Variants in JUP observed in about 807,000 individuals in gnomAD.
JUP encodes catenin (cadherin-associated protein), gamma 80kDa.
Under a neutral mutation model 71.1 loss-of-function variants are expected in JUP, and 28 were observed. That is an observed-to-expected ratio of 0.39 (90% CI 0.29 to 0.54). The LOEUF (loss-of-function observed/expected upper bound fraction) is 0.54, where lower values mean the gene tolerates loss of function less well. Among genes scored for constraint, JUP ranks in the 20% least tolerant of loss-of-function variants. The pLI is 0.62. For missense variants in JUP, 869 were observed against 1,030.1 expected (o/e 0.84, Z 2.14); for synonymous variants, 401 against 438.9 (o/e 0.91, Z 1.08).
chr17:41,756,628 G>C (rs11079012), intron 12 of JUP, among the ~76,000 whole-genome samples: 81,882 of 150,804 alleles, frequency 0.54, 23,360 homozygotes, highest in Middle Eastern at 0.71. Flanking sequence ...GCTGGGCGCA[G>C]TGGCTCACGC....
intron 1 of JUP, among the ~76,000 whole-genome samples, chr17:41,778,962 C>A (rs909564590): frequency 2.0e-5 from 3 of 150,932 alleles, no homozygotes; most frequent in Non-Finnish European, 4.4e-5. Flanking sequence ...CTTGGCTGGG[C>A]GTGGTGGCTC....
At chr17:41,775,930 T>G in intron 1 of JUP, 1 of 982,058 alleles carries the variant, frequency 1.0e-6, no homozygotes, top group Non-Finnish European at 1.2e-6. Context: ...AAGACTGACC[T>G]GGCAGAGTGT....
intron 1 of JUP, 57 bp from the exon 2 acceptor site, chr17:41,771,919 C>A: frequency 7.0e-7 from 1 of 1,427,932 alleles, no homozygotes; most frequent in Non-Finnish European, 9.6e-7. Flanking sequence ...CAGCCCCCAG[C>A]TTCAGCCCGT....
chr17:41,754,742 G>C lies in JUP; in HGVS notation c.*1002C>G, dbSNP rs1025317179. On this transcript the variant is annotated 3_prime_UTR_variant, in exon 14 of 14. Transcript: ENST00000393931. ...CCACACCATGTGCGGGAAATGGGGG[G>C]GTCTGAAACAGGAAGGGGAAGAGAA... 1.3e-5 allele frequency: 2 copies of C among 152,840 alleles called. No homozygotes were observed. Among genetic ancestry groups the C allele is most frequent in the Non-Finnish European group, 2.9e-5 (2 of 68,280 alleles). The allele number at this position is 152,840 out of a possible 1,614,324, so 9.5% of individuals were successfully genotyped here. A position where few individuals can be genotyped will look rare whatever the true frequency, so the allele number is the denominator to read the frequency against.
At chr17:41,774,283 A>G (rs1917110658) in intron 1 of JUP, among the ~76,000 whole-genome samples, 1 of 151,970 alleles carries the variant, frequency 6.6e-6, no homozygotes, top group African/African-American at 2.4e-5. Flanking sequence ...TGTGAATCTC[A>G]TTCTTCCCTC....
At chr17:41,771,937 C>T in intron 1 of JUP, 75 bp from the exon 2 acceptor site, 2 of 1,213,332 alleles carry the variant, frequency 1.6e-6, no homozygotes, top group East Asian at 5.1e-5. Context: ...CGTCACCAAG[C>T]CCCGCCTGTC....
chr17:41,758,589 CGAAT>C, intron 9 of JUP, 71 bp from the exon 10 acceptor site: 2 of 1,583,994 alleles, frequency 1.3e-6, no homozygotes, highest in Non-Finnish European at 1.7e-6. Flanking sequence ...CCATGACAGC[CGAAT>C]GAACTTCACA....
intron 8 of JUP, among the ~76,000 whole-genome samples, chr17:41,762,166 AGAGAGAGAGAGTGTGTGT>A (rs1345152275): frequency 6.5e-3 from 436 of 66,844 alleles, no homozygotes; most frequent in Non-Finnish European, 0.01. Context: ...AGAGAGAGAG[AGAGAGAGAGAGTGTGTGT>A]GTGTGTGTGT....
chr17:41,784,730 C>A (rs1433416156), intron 1 of JUP, among the ~76,000 whole-genome samples: 1 of 152,022 alleles, frequency 6.6e-6, no homozygotes, highest in Non-Finnish European at 1.5e-5. Context: ...TGAGTCTGGG[C>A]CCCCAGCCTC....
intron 8 of JUP, among the ~76,000 whole-genome samples, chr17:41,762,682 T>C (rs1006061286): frequency 1.3e-5 from 2 of 152,196 alleles, no homozygotes; most frequent in Admixed American, 1.3e-4. Context: ...ATTACAGGCA[T>C]GAGCCACCGT....
At chr17:41,774,118 T>C (rs191077685) in intron 1 of JUP, among the ~76,000 whole-genome samples, 5 of 151,920 alleles carry the variant, frequency 3.3e-5, no homozygotes, top group Admixed American at 2.0e-4. Flanking sequence ...ACAGTCAAGC[T>C]GAGGAACTTC....
chr17:41,785,346 A>G (rs1555611508), intron 1 of JUP, among the ~76,000 whole-genome samples: 1 of 151,718 alleles, frequency 6.6e-6, no homozygotes, highest in Admixed American at 6.6e-5. Context: ...GGGAGGGGGC[A>G]GAGCTTGAGA....
Position 41,769,623 on chromosome 17 carries a change from G to A in JUP, c.263C>T (p.Ala88Val). The change falls in exon 3 of 14, where the codon GCC becomes GTC. Residue 88 changes from alanine (A) to valine (V), a missense_variant. Ala to Val is a moderately conservative substitution (Grantham distance 64). Transcript: ENST00000393931. ...CTCGCCTGACACACCAGGGCACATGGCCTCCCGCACCCGTTTGGCCCTGGC... is the reference window on the plus strand; with the variant it reads ...CTCGCCTGACACACCAGGGCACATGACCTCCCGCACCCGTTTGGCCCTGGC... Reference protein sequence around the residue: ...TTARAKRVREAMCPGVSGEDS... With the variant: ...TTARAKRVREVMCPGVSGEDS... 1.2e-6 allele frequency: 2 copies of A among 1,605,950 alleles called. No individual in the cohort carries two copies. The highest frequency in any genetic ancestry group is 1.1e-5 in the South Asian group (1 of 89,194).
At chr17:41,758,149 T>C (rs1262232744) in intron 10 of JUP, 2 of 545,356 alleles carry the variant, frequency 3.7e-6, no homozygotes, top group Non-Finnish European at 6.4e-6. Context: ...CATGTTTATA[T>C]GGTTGAATCT....
In JUP at chr17:41,783,294, G is replaced by T. The variant is rs1290519104; in HGVS notation, c.-9+3294C>A. Among the ~76,000 whole-genome samples the T allele has an allele frequency of 1.5e-3, 162 of 106,916 alleles. 1 individual carries two copies. Among genetic ancestry groups the T allele is most frequent in the African/African-American group, 2.9e-3 (90 of 30,510 alleles). The allele number at this position is 106,916 out of a possible 152,430, so 70.1% of individuals were successfully genotyped here. On this transcript the variant is annotated intron_variant, in intron 1 of 13. Coordinates refer to ENST00000393931, the MANE Select transcript of JUP (RefSeq NM_002230.4). ...GCGAATAATGATACGCGTTTTTTTT[G>T]TTTTTTTTTTTTTTTTGAGTCAGGG...
chr17:41,764,024 C>T (rs1915298496), intron 7 of JUP, among the ~76,000 whole-genome samples: 2 of 152,198 alleles, frequency 1.3e-5, no homozygotes, highest in Admixed American at 6.5e-5. Flanking sequence ...CACTCTAACC[C>T]CAGGTTGAAT....
chr17:41,784,470 T>C (rs2047350717), intron 1 of JUP, among the ~76,000 whole-genome samples: 2 of 152,144 alleles, frequency 1.3e-5, no homozygotes, highest in African/African-American at 4.8e-5. Flanking sequence ...TTCCTCAGTA[T>C]TATCTTTTCA....
intron 8 of JUP, among the ~76,000 whole-genome samples, chr17:41,759,872 G>C (rs988521931): frequency 5.3e-5 from 8 of 152,082 alleles, no homozygotes; most frequent in Non-Finnish European, 8.8e-5. Context: ...GCATCAAGGA[G>C]GGGTCACAAT....
intron 5 of JUP, among the ~76,000 whole-genome samples, chr17:41,766,512 G>A (rs147917540): frequency 0.012 from 1,850 of 152,050 alleles, 32 homozygotes; most frequent in African/African-American, 0.039. Context: ...CTTGAGCCCA[G>A]GAGTTTGAGA....
Sources: allele counts gnomAD v4.1 joint callset (sites outside exome capture counted in the v4.1 genomes callset), GRCh38; gene constraint gnomAD v4.1.1; transcripts MANE v1.5; gene names NCBI Gene and HGNC (gene_info 2026-07-23, HGNC 2026-07-21).